CCDC191: variants seen among roughly 807,000 people sequenced by gnomAD.
CCDC191 encodes coiled-coil domain containing 191, also known as coiled-coil domain-containing protein 191.
Under a neutral mutation model 114.0 loss-of-function variants are expected in CCDC191, and 99 were observed. The ratio of observed to expected loss-of-function variants is 0.87; its 90% CI spans 0.74 to 1.03. CCDC191 has a LOEUF of 1.03. CCDC191 is among the 50% of genes least tolerant of loss of function. CCDC191 has a pLI of 0.00. For missense variants in CCDC191, 973 were observed against 1,087.0 expected, an observed-to-expected ratio of 0.90 and a Z score of 1.47; for synonymous variants, 351 against 376.0, an observed-to-expected ratio of 0.93 and a Z score of 0.77.
intron 13 of CCDC191, among the ~76,000 whole-genome samples, chr3:113,997,940 T>C (rs899192197): frequency 3.3e-5 from 5 of 152,082 alleles, no homozygotes; most frequent in Admixed American, 6.6e-5. Flanking sequence ...TATATAATTA[T>C]GTGAACTACA....
At chr3:113,994,745 G>A (rs942851702) in intron 13 of CCDC191, among the ~76,000 whole-genome samples, 7 of 151,688 alleles carry the variant, frequency 4.6e-5, no homozygotes, top group African/African-American at 1.2e-4. Context: ...CACCACACCC[G>A]GCTAATTTCT....
Position 114,018,323 on chromosome 3 carries a change from A to ATATTTTATTT in CCDC191, c.1163+345_1163+354dup, listed in dbSNP as rs143204325. On this transcript the variant is annotated intron_variant, in intron 8 of 16. Coordinates refer to ENST00000295878, the MANE Select transcript of CCDC191 (RefSeq NM_020817.2). ...AAAGAAAGAAGATCATGTACAATGT[A>ATATTTTATTT]TATTTTATTTTATTTTATTTTATTT... 9.8e-4 allele frequency among the ~76,000 whole-genome samples: 148 copies of ATATTTTATTT among 151,004 alleles called. 1 individual carries two copies. Among genetic ancestry groups the ATATTTTATTT allele is most frequent in the African/African-American group, 2.5e-3 (102 of 40,982 alleles).
chr3:114,021,052 C>T (rs2076236999), intron 7 of CCDC191, among the ~76,000 whole-genome samples: 1 of 151,998 alleles, frequency 6.6e-6, no homozygotes, highest in Non-Finnish European at 1.5e-5. Context: ...TAGTGTTACA[C>T]CTAAGGCTGA....
intron 5 of CCDC191, among the ~76,000 whole-genome samples, chr3:114,036,020 G>A (rs889029161): frequency 1.3e-4 from 20 of 152,046 alleles, no homozygotes; most frequent in Non-Finnish European, 5.9e-5. Context: ...TATTAATTCC[G>A]GATCAGTCTT....
Position 114,035,037 on chromosome 3 carries a change from T to A in CCDC191, c.706A>T (p.Lys236Ter). 6.2e-7 allele frequency: 1 copy of A among 1,614,102 alleles called. No individual in the cohort carries two copies. Among genetic ancestry groups the A allele is most frequent in the Non-Finnish European group, 8.5e-7 (1 of 1,179,980 alleles). ...EAQCLVQEEK[K>*]RKALEAKKEE... The stretch of plus-strand genomic sequence containing the variant: ...TTCTTGGCCTCCAGAGCCTTCCTTT[T>A]CTTCTCTTCTTGCACCAGACACTGA... The change falls in exon 6 of 17, where the codon AAA becomes TAA. Residue 236 changes from lysine to a stop codon, truncating the protein, a stop_gained. Transcript: ENST00000295878. LOFTEE classifies it high-confidence loss of function.
chr3:114,049,969 GT>G (rs1280374934), intron 2 of CCDC191, among the ~76,000 whole-genome samples: 1 of 152,108 alleles, frequency 6.6e-6, no homozygotes, highest in Non-Finnish European at 1.5e-5. Flanking sequence ...AAAAGTAAAA[GT>G]TTCTGTTCTT....
At chr3:113,991,893 A>T (rs1395336232) in intron 13 of CCDC191, among the ~76,000 whole-genome samples, 1 of 151,780 alleles carries the variant, frequency 6.6e-6, no homozygotes, top group African/African-American at 2.4e-5. Flanking sequence ...ATGAAAGTTT[A>T]AAAAAAACAT....
chr3:114,051,289 G>A (rs1412093417), intron 2 of CCDC191, among the ~76,000 whole-genome samples: 2 of 152,140 alleles, frequency 1.3e-5, no homozygotes, highest in Non-Finnish European at 2.9e-5. Context: ...CTTCTAACTT[G>A]AGTCCTTGAA....
At chr3:114,054,258 ACT>A (rs375982284) in intron 1 of CCDC191, 3 of 152,028 alleles carry the variant, frequency 2.0e-5, no homozygotes, top group African/African-American at 7.2e-5. Flanking sequence ...TCCTTTCTTC[ACT>A]CTCTGTAACT....
intron 13 of CCDC191, among the ~76,000 whole-genome samples, chr3:113,992,581 A>T (rs533204041): frequency 6.6e-6 from 1 of 152,194 alleles, no homozygotes; most frequent in South Asian, 2.1e-4. Flanking sequence ...CTGTTGTGGG[A>T]TGGGGGGAGG....
chr3:113,996,831 T>G (rs544151691), intron 13 of CCDC191, among the ~76,000 whole-genome samples: 19 of 116,006 alleles, frequency 1.6e-4, no homozygotes, highest in Non-Finnish European at 2.4e-4. Context: ...TGAGAACACA[T>G]GGACACAGGG....
At chr3:114,056,240 G>A in intron 1 of CCDC191, 137 bp downstream of exon 1, 2 of 769,208 alleles carry the variant, frequency 2.6e-6, no homozygotes, top group Non-Finnish European at 4.4e-6. Context: ...GGGTAATGCT[G>A]GCTTTGGGGC....
intron 13 of CCDC191, among the ~76,000 whole-genome samples, chr3:113,986,916 C>T (rs1435997146): frequency 6.6e-6 from 1 of 152,132 alleles, no homozygotes; most frequent in East Asian, 1.9e-4. Context: ...AAAAGCCAAC[C>T]ATGCAGGCAC....
chr3:113,966,450 G>A (rs1577293460), intron 16 of CCDC191, among the ~76,000 whole-genome samples: 1 of 152,176 alleles, frequency 6.6e-6, no homozygotes, highest in Admixed American at 6.5e-5. Context: ...TACAGCAGTG[G>A]AGAGCAGCAC....
chr3:113,989,006 C>CAGGAT (rs891532536), intron 13 of CCDC191, among the ~76,000 whole-genome samples: 13 of 152,132 alleles, frequency 8.5e-5, no homozygotes, highest in African/African-American at 3.1e-4. Flanking sequence ...CCATGTTAGC[C>CAGGAT]AGGATAGTCT....
intron 6 of CCDC191, 105 bp from the exon 7 acceptor site, chr3:114,031,884 C>T (rs1251659018): frequency 4.9e-6 from 3 of 607,618 alleles, no homozygotes; most frequent in African/African-American, 3.7e-5. Context: ...CTTCGGAATA[C>T]ACATATTTTT....
intron 13 of CCDC191, 42 bp downstream of exon 13, chr3:114,001,553 A>G (rs746785119): frequency 3.7e-5 from 60 of 1,609,776 alleles, no homozygotes; most frequent in Non-Finnish European, 5.0e-5. Flanking sequence ...CACACACAGC[A>G]AACCTCAAGA....
chr3:114,039,129 A>C (rs2076527134), intron 4 of CCDC191, among the ~76,000 whole-genome samples: 1 of 152,172 alleles, frequency 6.6e-6, no homozygotes, highest in Non-Finnish European at 1.5e-5. Context: ...ATAATACTTG[A>C]TAATGATAAT....
chr3:114,048,100 G>A (rs1440086101), intron 2 of CCDC191, among the ~76,000 whole-genome samples: 1 of 152,070 alleles, frequency 6.6e-6, no homozygotes, highest in Admixed American at 6.6e-5. Context: ...CATTCCTCAG[G>A]ATGAAAACTT....
Sources: gnomAD v4.1 joint callset for allele counts (sites outside exome capture counted in the v4.1 genomes callset) on GRCh38, gnomAD v4.1.1 for gene constraint, MANE v1.5 for transcripts, NCBI Gene and HGNC (gene_info 2026-07-23, HGNC 2026-07-21) for gene names.